MBD5: variants seen among roughly 807,000 people sequenced by gnomAD.
The protein encoded by MBD5 is methyl-CpG-binding domain protein 5.
MBD5 carries 13 observed loss-of-function variants against 117.3 expected under a neutral mutation model. The observed-to-expected ratio is 0.11, with a 90% CI of 0.07 to 0.18. The LOEUF is 0.18. MBD5 is among the 10% of genes least tolerant of loss of function. The probability of loss-of-function intolerance (pLI) is 1.00; values close to 1 mark genes in which losing one functional copy is unlikely to be tolerated. For missense variants in MBD5, 1,879 were observed against 2,093.8 expected (o/e 0.90, Z 2.00); for synonymous variants, 727 against 766.4 (o/e 0.95, Z 0.85).
At chr2:148,150,850 A>T (rs931432902) in intron 1 of MBD5, among the ~76,000 whole-genome samples, 7 of 152,172 alleles carry the variant, frequency 4.6e-5, no homozygotes, top group African/African-American at 1.7e-4. Flanking sequence ...GGCTGAGACA[A>T]TGGGGTGTTC....
chr2:148,078,545 T>C (rs1695564463), intron 1 of MBD5, among the ~76,000 whole-genome samples: 1 of 152,238 alleles, frequency 6.6e-6, no homozygotes, highest in Non-Finnish European at 1.5e-5. Flanking sequence ...CTCCTTTTCC[T>C]TGTATAGTCA....
chr2:148,250,622 T>C (rs754365099), intron 3 of MBD5, among the ~76,000 whole-genome samples: 4 of 152,206 alleles, frequency 2.6e-5, no homozygotes, highest in Non-Finnish European at 4.4e-5. Context: ...ATAGTAATCT[T>C]ACCTTGTTTT....
intron 1 of MBD5, among the ~76,000 whole-genome samples, chr2:148,065,933 T>C (rs2105033095): frequency 6.6e-6 from 1 of 152,338 alleles, no homozygotes; most frequent in South Asian, 2.1e-4. Context: ...ATTAAGCTTA[T>C]GCTATTTTAA....
intron 1 of MBD5, among the ~76,000 whole-genome samples, chr2:148,097,819 GGTA>G (rs1287326638): frequency 6.6e-6 from 1 of 152,168 alleles, no homozygotes; most frequent in African/African-American, 2.4e-5. Flanking sequence ...AAAAATAAAA[GGTA>G]GTTGGCTAGA....
At chr2:148,313,046 G>A (rs150632307) in intron 3 of MBD5, among the ~76,000 whole-genome samples, 73 of 152,218 alleles carry the variant, frequency 4.8e-4, no homozygotes, top group Non-Finnish European at 2.5e-4. Flanking sequence ...AGTGGCACCC[G>A]CTAGATGCCA....
Position 148,469,827 on chromosome 2 carries a change from C to G in MBD5, c.1884C>G (p.Ala628=), listed in dbSNP as rs906942779. The G allele has an allele frequency of 1.2e-6, 2 of 1,613,772 alleles. No individual in the cohort carries two copies. Among genetic ancestry groups the G allele is most frequent in the African/African-American group, 2.7e-5 (2 of 74,910 alleles). The change falls in exon 8 of 14, where the codon GCC becomes GCG. Residue 628 remains alanine (A), a synonymous_variant. Coordinates refer to ENST00000642680, the MANE Select transcript of MBD5 (RefSeq NM_001378120.1). ...STLNTMFPPT[A]NMLLPTGEGQ... Reference sequence around the variant, plus strand: ...TAAACACCATGTTCCCTCCTACTGCCAACATGCTTCTCCCAACAGGTGAAG... The same window carrying G: ...TAAACACCATGTTCCCTCCTACTGCGAACATGCTTCTCCCAACAGGTGAAG...
intron 4 of MBD5, among the ~76,000 whole-genome samples, chr2:148,365,662 C>A (rs562615336): frequency 2.6e-5 from 4 of 152,192 alleles, no homozygotes; most frequent in Non-Finnish European, 5.9e-5. Context: ...ACTGATCCCA[C>A]CAAAATACAA....
chr2:148,417,426 A>T (rs141545238), intron 4 of MBD5, among the ~76,000 whole-genome samples: 103 of 151,186 alleles, frequency 6.8e-4, no homozygotes, highest in African/African-American at 2.5e-3. Context: ...GGCATGAGCC[A>T]CTGTGCCCAG....
chr2:148,027,960 C>T (rs1461400203), intron 1 of MBD5: 1 of 152,046 alleles, frequency 6.6e-6, no homozygotes, highest in Non-Finnish European at 1.5e-5. Context: ...TATTCTAACT[C>T]TAACACTTAG....
chr2:148,453,119 C>A (rs1414072236), intron 4 of MBD5, among the ~76,000 whole-genome samples: 2 of 151,994 alleles, frequency 1.3e-5, no homozygotes, highest in African/African-American at 4.8e-5. Flanking sequence ...GAGAGCTAGT[C>A]AATAAACACA....
Position 148,469,226 on chromosome 2 carries a change from A to C in MBD5, c.1283A>C (p.His428Pro). The C allele has an allele frequency of 6.2e-7, 1 of 1,614,038 alleles. No homozygotes were observed. The highest frequency in any genetic ancestry group is 8.5e-7 in the Non-Finnish European group (1 of 1,179,974). The part of the protein sequence containing the change: ...NHGSHVQRVQ[H>P]SASTSLSPSP... ...GGGAGTCATGTACAAAGAGTTCAGC[A>C]TTCAGCTTCAACCTCCCTGTCCCCT... Residue 428 changes from histidine (H) to proline (P), a missense_variant, in exon 8 of 14, where the codon CAT (histidine) becomes CCT (proline). This residue lies in a region of MBD5 where 1,666 missense variants were observed against 1,792.2 expected (regional missense o/e 0.93). Transcript: ENST00000642680.
chr2:148,438,874 G>A (rs928737810), intron 4 of MBD5, among the ~76,000 whole-genome samples: 4 of 152,150 alleles, frequency 2.6e-5, no homozygotes, highest in African/African-American at 4.8e-5. Flanking sequence ...GCCTGCCAAC[G>A]CTGAGAGAAG....
rs115818153 is a variant in MBD5, at chr2:148,410,365, C to T, written c.-556-47838C>T. On this transcript the variant is annotated intron_variant, in intron 4 of 13. Transcript: ENST00000642680. ...TCTCAGTCTGTCCATATGTACTGTC[C>T]GTTTTACTTTGGGGCTCTCTATCTT... Among the ~76,000 whole-genome samples the T allele has an allele frequency of 3.9e-5, 6 of 152,172 alleles. No individual in the cohort carries two copies. In the South Asian group the frequency reaches 6.2e-4, roughly 16 times the overall value.
intron 11 of MBD5, among the ~76,000 whole-genome samples, chr2:148,493,822 T>C (rs1217073752): frequency 2.6e-5 from 4 of 152,236 alleles, no homozygotes; most frequent in Non-Finnish European, 1.5e-5. Flanking sequence ...CATCGAATAC[T>C]GTATAAACAC....
At chr2:148,083,686 C>T (rs149754313) in intron 1 of MBD5, among the ~76,000 whole-genome samples, 1,934 of 151,888 alleles carry the variant, frequency 0.013, 49 homozygotes, top group African/African-American at 0.044. Context: ...GTAGTGCAGT[C>T]GCGCGATCTT....
At chr2:148,068,629 C>T (rs1695271036) in intron 1 of MBD5, 2 of 152,186 alleles carry the variant, frequency 1.3e-5, no homozygotes, top group Admixed American at 1.3e-4. Flanking sequence ...TGTGGCTGTA[C>T]ACTACAGTAT....
chr2:148,071,270 C>CTG (rs1558913341), intron 1 of MBD5: 1 of 124,984 alleles, frequency 8.0e-6, no homozygotes, highest in Non-Finnish European at 1.7e-5. Flanking sequence ...TTAGATATAT[C>CTG]TGTATATGTG....
At chr2:148,441,745 C>T (rs1367803672) in intron 4 of MBD5, among the ~76,000 whole-genome samples, 4 of 151,864 alleles carry the variant, frequency 2.6e-5, no homozygotes, top group Non-Finnish European at 4.4e-5. Flanking sequence ...GTTCCTATTT[C>T]TCCACATCCT....
chr2:148,075,609 T>G (rs1695489445), intron 1 of MBD5, among the ~76,000 whole-genome samples: 1 of 151,996 alleles, frequency 6.6e-6, no homozygotes, highest in Non-Finnish European at 1.5e-5. Context: ...ATTTTTCTGA[T>G]TGTATTATAA....
Sources: allele counts gnomAD v4.1 joint callset (sites outside exome capture counted in the v4.1 genomes callset), GRCh38; gene constraint gnomAD v4.1.1; regional missense constraint gnomAD v4.1.1; transcripts MANE v1.5; gene names NCBI Gene and HGNC (gene_info 2026-07-23, HGNC 2026-07-21).